MYC: variants seen among roughly 807,000 people sequenced by gnomAD.
The protein encoded by MYC is MYC proto-oncogene, bHLH transcription factor.
A neutral mutation model predicts 30.5 loss-of-function variants in MYC; 1 was observed. That is an observed-to-expected ratio of 0.03 (90% CI 0.01 to 0.16). The LOEUF (loss-of-function observed/expected upper bound fraction) is 0.16, where lower values mean the gene tolerates loss of function less well. MYC is among the 10% of genes least tolerant of loss of function. MYC has a pLI of 1.00. For synonymous variants in MYC, 267 were observed against 250.7 expected (o/e 1.07, Z -0.62); for missense variants, 508 against 589.0 (o/e 0.86, Z 1.42).
rs554217507 is a variant in MYC, at chr8:127,741,857, G to A, written c.*899G>A. ...GTTGATGGGGACACGGTGGGAACCAGCTTCTGCTGCCTTCACAACCAGGCG... is the reference window on the plus strand; with the variant it reads ...GTTGATGGGGACACGGTGGGAACCAACTTCTGCTGCCTTCACAACCAGGCG... On this transcript the variant is annotated 3_prime_UTR_variant, in exon 3 of 3. Transcript: ENST00000621592. Among the ~76,000 whole-genome samples the A allele has an allele frequency of 1.8e-4, 28 of 152,328 alleles. No individual in the cohort carries two copies. Among genetic ancestry groups the A allele is most frequent in the Non-Finnish European group, 4.0e-4 (27 of 68,022 alleles).
In MYC at chr8:127,741,072, C is replaced by T. The variant is rs1436355649; in HGVS notation, c.*114C>T. On this transcript the variant is annotated 3_prime_UTR_variant, in exon 3 of 3. Transcript: ENST00000621592. ...TCACAACCTTGGCTGAGTCTTGAGA[C>T]TGAAAGATTTAGCCATAATGTAAAC... The T allele has an allele frequency of 9.9e-7, 1 of 1,012,604 alleles. No individual in the cohort carries two copies. Among genetic ancestry groups the T allele is most frequent in the African/African-American group, 1.6e-5 (1 of 62,396 alleles). The allele number at this position is 1,012,604 out of a possible 1,614,324, so 62.7% of individuals were successfully genotyped here. A position where few individuals can be genotyped will look rare whatever the true frequency, so the allele number is the denominator to read the frequency against.
chr8:127,740,831 A>G lies in MYC; in HGVS notation c.1238A>G (p.Lys413Arg), dbSNP rs1813698605. 1 of 1,614,178 alleles carries G rather than the reference A, an allele frequency of 6.2e-7. No homozygotes were observed. The highest frequency in any genetic ancestry group is 8.5e-7 in the Non-Finnish European group (1 of 1,180,030). ...GCCCCCAAGGTAGTTATCCTTAAAA[A>G]AGCCACAGCATACATCCTGTCCGTC... The change falls in exon 3 of 3, where the codon AAA becomes AGA. Residue 413 changes from lysine (K) to arginine (R), a missense_variant. Coordinates refer to ENST00000621592, the MANE Select transcript of MYC (RefSeq NM_002467.6).
In MYC at chr8:127,738,062, G is replaced by T. The variant is rs151033540; in HGVS notation, c.31-186G>T. Among the ~76,000 whole-genome samples, 138 of 152,268 alleles carry T rather than the reference G, an allele frequency of 9.1e-4. No individual in the cohort carries two copies. Among genetic ancestry groups the T allele is most frequent in the African/African-American group, 3.1e-3 (128 of 41,564 alleles). On this transcript the variant is annotated intron_variant, in intron 1 of 2. Transcript: ENST00000621592. This position sits in a 1 kb window ranked among gnomAD's most constrained non-coding sequence, Gnocchi z 7.6. ...TAAGTGCGTCTCCGAGATAGCAGGGGACTGTCCAAAGGGGGTGAAAGGGTG... is the reference window on the plus strand; with the variant it reads ...TAAGTGCGTCTCCGAGATAGCAGGGTACTGTCCAAAGGGGGTGAAAGGGTG...
In MYC at chr8:127,739,033, G is replaced by T; in HGVS notation, c.802+14G>T. ...GCAGCGACTCTGGTAAGCGAAGCCC[G>T]CCCAGGCCTGTCAAAAGTGGGCGGC... On this transcript the variant is annotated intron_variant, in intron 2 of 2. Coordinates refer to ENST00000621592, the MANE Select transcript of MYC (RefSeq NM_002467.6). The T allele has an allele frequency of 6.8e-7, 1 of 1,480,354 alleles. No individual in the cohort carries two copies. Among genetic ancestry groups the T allele is most frequent in the South Asian group, 1.4e-5 (1 of 72,698 alleles). The allele number at this position is 1,480,354 out of a possible 1,614,324, so 91.7% of individuals were successfully genotyped here.
Position 127,736,286 on chromosome 8 carries a change from G to A in MYC, c.-308G>A. 1 of 554,638 alleles carries A rather than the reference G, an allele frequency of 1.8e-6. No homozygotes were observed. Among genetic ancestry groups the A allele is most frequent in the Non-Finnish European group, 3.2e-6 (1 of 315,540 alleles). The allele number at this position is 554,638 out of a possible 1,614,324, so 34.4% of individuals were successfully genotyped here. On this transcript the variant is annotated 5_prime_UTR_variant, in exon 1 of 3. Transcript: ENST00000621592. ...GAGGGAGCGAGCGGGCGGCCGGCTA[G>A]GGTGGAAGAGCCGGGCGAGCAGAGC...
Position 127,742,332 on chromosome 8 carries a change from C to T in MYC, c.*1374C>T, listed in dbSNP as rs1316814165. On this transcript the variant is annotated 3_prime_UTR_variant, in exon 3 of 3. Transcript: ENST00000621592. ...GGGAAAAGTGGAAGCGAGATTTGAACCCAGGCTGTTTACTCCTAACCTGTC... is the reference window on the plus strand; with the variant it reads ...GGGAAAAGTGGAAGCGAGATTTGAATCCAGGCTGTTTACTCCTAACCTGTC... 6.6e-6 allele frequency among the ~76,000 whole-genome samples: 1 copy of T among 152,194 alleles called. No individual in the cohort carries two copies. The highest frequency in any genetic ancestry group is 6.5e-5 in the Admixed American group (1 of 15,276).
Position 127,742,836 on chromosome 8 carries a change from C to T in MYC, c.*1878C>T, listed in dbSNP as rs1813734304. 6.6e-6 allele frequency among the ~76,000 whole-genome samples: 1 copy of T among 152,180 alleles called. No homozygotes were observed. The highest frequency in any genetic ancestry group is 1.5e-5 in the Non-Finnish European group (1 of 68,022). On this transcript the variant is annotated 3_prime_UTR_variant, in exon 3 of 3. Coordinates refer to ENST00000621592, the MANE Select transcript of MYC (RefSeq NM_002467.6). ...TGATTATATAGGTAAATGAAGGATG[C>T]TATTGCTGTTCTAATTACCTCATTG... is the stretch of plus-strand genomic sequence containing the variant.
rs752013519 is a variant in MYC, at chr8:127,738,835, C to A, written c.618C>A (p.Pro206=). 1 of 1,612,038 alleles carries A rather than the reference C, an allele frequency of 6.2e-7. No individual in the cohort carries two copies. Among genetic ancestry groups the A allele is most frequent in the Non-Finnish European group, 8.5e-7 (1 of 1,179,470 alleles). The change falls in exon 2 of 3, where the codon CCC becomes CCA. Residue 206 remains proline (P), a synonymous_variant. Transcript: ENST00000621592. The surrounding 1 kb of genome is among the most constrained non-coding windows in gnomAD (Gnocchi z 7.6). ...CCGCCGCCTCAGAGTGCATCGACCCCTCGGTGGTCTTCCCCTACCCTCTCA... is the reference window on the plus strand; with the variant it reads ...CCGCCGCCTCAGAGTGCATCGACCCATCGGTGGTCTTCCCCTACCCTCTCA...
rs375133960 is a variant in MYC at position 127,740,541 on chromosome 8, C to T, written c.948C>T (p.His316=). 46 of 1,613,960 alleles carry T rather than the reference C, an allele frequency of 2.9e-5. No homozygotes were observed. The highest frequency in any genetic ancestry group is 3.6e-5 in the Non-Finnish European group (43 of 1,180,030). ...GCCCACTGGTCCTCAAGAGGTGCCA[C>T]GTCTCCACACATCAGCACAACTACG... The change falls in exon 3 of 3, where the codon CAC becomes CAT. Residue 316 remains histidine (H), a synonymous_variant. Transcript: ENST00000621592.
In MYC at chr8:127,736,483, A is replaced by G; in HGVS notation, c.-111A>G. ...GCACTGGAACTTACAACACCCGAGC[A>G]AGGACGCGACTCTCCCGACGCGGGG... On this transcript the variant is annotated 5_prime_UTR_variant, in exon 1 of 3. Coordinates refer to ENST00000621592, the MANE Select transcript of MYC (RefSeq NM_002467.6). The G allele has an allele frequency of 8.0e-7, 1 of 1,242,502 alleles. No individual in the cohort carries two copies. Among genetic ancestry groups the G allele is most frequent in the East Asian group, 2.3e-5 (1 of 42,702 alleles). 77.0% of individuals were successfully genotyped at this position (1,242,502 alleles called of 1,614,324 possible). A position where few individuals can be genotyped will look rare whatever the true frequency, so the allele number is the denominator to read the frequency against.
intron 2 of MYC, among the ~76,000 whole-genome samples, 179 bp downstream of exon 2, chr8:127,739,198 C>G (rs1813665081): frequency 6.6e-6 from 1 of 152,238 alleles, no homozygotes; most frequent in Non-Finnish European, 1.5e-5. Flanking sequence ...ATCCCTTCCC[C>G]TTAGACTGCC....
Position 127,742,575 on chromosome 8 carries a change from T to G in MYC, c.*1617T>G, listed in dbSNP as rs1813730431. On this transcript the variant is annotated 3_prime_UTR_variant, in exon 3 of 3. Coordinates refer to ENST00000621592, the MANE Select transcript of MYC (RefSeq NM_002467.6). ...CCATCTTGACTCCTACCTTAGCCAT[T>G]TGTTGAATCAGACTCATGACGGCTC... 6.6e-6 allele frequency among the ~76,000 whole-genome samples: 1 copy of G among 152,218 alleles called. No homozygotes were observed. The highest frequency in any genetic ancestry group is 1.5e-5 in the Non-Finnish European group (1 of 68,040).
Position 127,741,275 on chromosome 8 carries a change from C to G in MYC, c.*317C>G. ...TTTAATAAAACGTTTATAGCAGTTA[C>G]ACAGAATTTCAATCCTAGTATATAG... On this transcript the variant is annotated 3_prime_UTR_variant, in exon 3 of 3. Coordinates refer to ENST00000621592, the MANE Select transcript of MYC (RefSeq NM_002467.6). The G allele has an allele frequency of 3.6e-6, 1 of 274,882 alleles. No individual in the cohort carries two copies. The highest frequency in any genetic ancestry group is 6.9e-6 in the Non-Finnish European group (1 of 144,978). 17.0% of individuals were successfully genotyped at this position (274,882 alleles called of 1,614,324 possible). A position where few individuals can be genotyped will look rare whatever the true frequency, so the allele number is the denominator to read the frequency against.
rs1813715733 is a variant in MYC at position 127,741,718 on chromosome 8, A to T, written c.*760A>T. On this transcript the variant is annotated 3_prime_UTR_variant, in exon 3 of 3. Transcript: ENST00000621592. ...AAGAGGTCAAAGGTAGCAGTTAAGT[A>T]CACAAAGAGGCATAAGGACTGGGGA... Among the ~76,000 whole-genome samples, 1 of 152,224 alleles carries T rather than the reference A, an allele frequency of 6.6e-6. No individual in the cohort carries two copies. The highest frequency in any genetic ancestry group is 2.4e-5 in the African/African-American group (1 of 41,464).
chr8:127,737,483 G>C (rs2130088353), intron 1 of MYC, among the ~76,000 whole-genome samples: 3 of 152,310 alleles, frequency 2.0e-5, no homozygotes, highest in Middle Eastern at 6.8e-3. Flanking sequence ...TGGTGGGGTG[G>C]CTCCGGGGGA....
Position 127,736,547 on chromosome 8 carries a change from G to A in MYC, c.-47G>A, listed in dbSNP as rs773453291. ...CATTTGGGGACACTTCCCCGCCGCT[G>A]CCAGGACCCGCTTCTCTGAAAGGCT... On this transcript the variant is annotated 5_prime_UTR_variant, in exon 1 of 3. Coordinates refer to ENST00000621592, the MANE Select transcript of MYC (RefSeq NM_002467.6). The A allele has an allele frequency of 7.4e-6, 12 of 1,611,928 alleles. No individual in the cohort carries two copies. The South Asian group carries it at 1.3e-4, about 18-fold the overall frequency.
At chr8:127,739,486 G>C (rs1011827174) in intron 2 of MYC, among the ~76,000 whole-genome samples, 1 of 152,204 alleles carries the variant, frequency 6.6e-6, no homozygotes, top group African/African-American at 2.4e-5. Flanking sequence ...AGGCTAGGCA[G>C]GGCCTGCCTG....
chr8:127,740,041 C>A (rs139112155), intron 2 of MYC, among the ~76,000 whole-genome samples: 111 of 151,652 alleles, frequency 7.3e-4, no homozygotes, highest in African/African-American at 2.6e-3. Flanking sequence ...CGCAATCAAC[C>A]TCCAACCCCC....
At chr8:127,737,695 G>T (rs1323557956) in intron 1 of MYC, among the ~76,000 whole-genome samples, 4 of 151,818 alleles carry the variant, frequency 2.6e-5, no homozygotes, top group South Asian at 2.1e-4. Context: ...GGGTGGGGAC[G>T]GGGGCGGTGG....
Sources: gnomAD v4.1 joint callset for allele counts (sites outside exome capture counted in the v4.1 genomes callset) on GRCh38, gnomAD v4.1.1 for gene constraint, Gnocchi (gnomAD v3.1) non-coding constraint, MANE v1.5 for transcripts, NCBI Gene and HGNC (gene_info 2026-07-23, HGNC 2026-07-21) for gene names.